The following MACROD1 variants were observed in gnomAD, a reference collection of about 807,000 sequenced individuals.
MACROD1 encodes the protein mono-ADP ribosylhydrolase 1, also known as ADP-ribose glycohydrolase MACROD1.
In MACROD1, 31 loss-of-function variants were observed where a neutral mutation model predicts 41.4. The ratio of observed to expected loss-of-function variants is 0.75; its 90% CI spans 0.56 to 1.01. MACROD1 has a LOEUF of 1.01. MACROD1 is among the 50% of genes least tolerant of loss of function. The pLI is 0.00. For synonymous variants in MACROD1, 252 were observed against 203.4 expected (o/e 1.24, Z -2.03); for missense variants, 473 against 460.0 (o/e 1.03, Z -0.26).
At chr11:64,031,096 G>A (rs1056184173) in intron 3 of MACROD1, among the ~76,000 whole-genome samples, 59 of 152,152 alleles carry the variant, frequency 3.9e-4, no homozygotes, top group Non-Finnish European at 1.0e-4. Flanking sequence ...GGCAGGCACT[G>A]GAGCAGGGCT....
At chr11:64,131,331 C>T (rs1945261983) in intron 3 of MACROD1, among the ~76,000 whole-genome samples, 1 of 151,706 alleles carries the variant, frequency 6.6e-6, no homozygotes, top group Non-Finnish European at 1.5e-5. Context: ...CCTCAAAGAC[C>T]CTCGGGACGT....
intron 3 of MACROD1, among the ~76,000 whole-genome samples, chr11:64,105,822 T>A (rs1185273282): frequency 6.6e-6 from 1 of 152,112 alleles, no homozygotes; most frequent in African/African-American, 2.4e-5. Context: ...TGCCCACAGC[T>A]GCGGGAGGGC....
At chr11:64,108,954 G>GA (rs908397181) in intron 3 of MACROD1, among the ~76,000 whole-genome samples, 12 of 152,188 alleles carry the variant, frequency 7.9e-5, no homozygotes, top group African/African-American at 2.9e-4. Context: ...AGGTGGGCAG[G>GA]AAGGAGGCTG....
At chr11:64,003,090 G>A (rs1295783739) in intron 4 of MACROD1, among the ~76,000 whole-genome samples, 3 of 152,198 alleles carry the variant, frequency 2.0e-5, no homozygotes, top group Non-Finnish European at 2.9e-5. Context: ...CCCCTGAGAT[G>A]TTTCTCCATC....
At chr11:64,118,167 G>T (rs541305050) in intron 3 of MACROD1, 5 of 1,613,698 alleles carry the variant, frequency 3.1e-6, no homozygotes, top group Non-Finnish European at 4.2e-6. Context: ...AGAAGAGTAC[G>T]TGGTCCACAC....
intron 3 of MACROD1, among the ~76,000 whole-genome samples, chr11:64,130,969 A>G (rs1414421780): frequency 6.6e-6 from 1 of 152,246 alleles, no homozygotes; most frequent in Non-Finnish European, 1.5e-5. Context: ...CCCGGCGAGG[A>G]AGCACTGCAT....
At chr11:64,114,709 A>G (rs139770484) in intron 3 of MACROD1, among the ~76,000 whole-genome samples, 2 of 145,888 alleles carry the variant, frequency 1.4e-5, no homozygotes, top group East Asian at 2.1e-4. Flanking sequence ...ACTGATACAT[A>G]GATGGATGGA....
intron 3 of MACROD1, among the ~76,000 whole-genome samples, chr11:64,086,380 C>G (rs913870979): frequency 5.9e-5 from 9 of 152,104 alleles, no homozygotes; most frequent in African/African-American, 2.2e-4. Flanking sequence ...GCCCTTGTGA[C>G]TACCCCCGAG....
At position 64,090,836 on chromosome 11, in the gene MACROD1, T is replaced by C. The variant is rs1428003159; in HGVS notation, c.517+60403A>G. Among the ~76,000 whole-genome samples, 1 of 151,628 alleles carries C rather than the reference T, an allele frequency of 6.6e-6. No individual in the cohort carries two copies. Among genetic ancestry groups the C allele is most frequent in the African/African-American group, 2.4e-5 (1 of 41,200 alleles). ...CTGCAGAAGCAGAGCCCGAGTCGGG[T>C]CCAGCCCTGCACTCCCAGGGAGCCC... is the stretch of plus-strand genomic sequence containing the variant. On this transcript the variant is annotated intron_variant, in intron 3 of 10. Coordinates refer to ENST00000255681, the MANE Select transcript of MACROD1 (RefSeq NM_014067.4). The surrounding 1 kb of genome is among the most constrained non-coding windows in gnomAD (Gnocchi z 4.7).
Position 64,120,362 on chromosome 11 carries a change from T to C in MACROD1, c.517+30877A>G, listed in dbSNP as rs1455074393. On this transcript the variant is annotated intron_variant, in intron 3 of 10. Transcript: ENST00000255681. This position sits in a 1 kb window ranked among gnomAD's most constrained non-coding sequence, Gnocchi z 4.5. ...CACACAATAAGGTCAAGAGAGAAATTTCCCCAGGCCTTAATGTCAGGTCTG... is the reference window on the plus strand; with the variant it reads ...CACACAATAAGGTCAAGAGAGAAATCTCCCCAGGCCTTAATGTCAGGTCTG... 6.6e-6 allele frequency among the ~76,000 whole-genome samples: 1 copy of C among 152,138 alleles called. No homozygotes were observed. Among genetic ancestry groups the C allele is most frequent in the Admixed American group, 6.5e-5 (1 of 15,276 alleles).
intron 3 of MACROD1, among the ~76,000 whole-genome samples, chr11:64,095,213 C>A (rs1944555970): frequency 6.6e-6 from 1 of 152,194 alleles, no homozygotes; most frequent in Non-Finnish European, 1.5e-5. Flanking sequence ...AATAGTCTCT[C>A]TTTTTCCCCC....
At chr11:64,133,451 G>A (rs1945292790) in intron 3 of MACROD1, among the ~76,000 whole-genome samples, 1 of 152,244 alleles carries the variant, frequency 6.6e-6, no homozygotes, top group African/African-American at 2.4e-5. Flanking sequence ...TGAGAGGGCA[G>A]GAGGCCGAGC....
At chr11:64,083,938 G>A (rs1312456753) in intron 3 of MACROD1, among the ~76,000 whole-genome samples, 1 of 152,230 alleles carries the variant, frequency 6.6e-6, no homozygotes, top group Non-Finnish European at 1.5e-5. Context: ...CACATATGCG[G>A]CAGCCCGGCG....
In MACROD1 at chr11:64,064,676, CGA is replaced by C. The variant is rs149741256; in HGVS notation, c.518-49397_518-49396del. 0.16 allele frequency among the ~76,000 whole-genome samples: 23,089 copies of C among 148,614 alleles called. 3,032 individuals carry two copies. The highest frequency in any genetic ancestry group is 0.4 in the East Asian group (2,032 of 5,024). On this transcript the variant is annotated intron_variant, in intron 3 of 10. Coordinates refer to ENST00000255681, the MANE Select transcript of MACROD1 (RefSeq NM_014067.4). The surrounding 1 kb of genome is among the most constrained non-coding windows in gnomAD (Gnocchi z 4.5). ...CCTCTGGCAGGACATTAAACGGCAC[CGA>C]GATAGAAGGAGGGGGGCCCTCCCTG...
chr11:64,126,073 G>C (rs555599053), intron 3 of MACROD1, among the ~76,000 whole-genome samples: 1 of 152,088 alleles, frequency 6.6e-6, no homozygotes, highest in Admixed American at 6.6e-5. Context: ...ACCTGTCCTC[G>C]GGCTAGTCCC....
intron 3 of MACROD1, among the ~76,000 whole-genome samples, chr11:64,127,805 C>T (rs1038535931): frequency 1.7e-4 from 26 of 152,108 alleles, no homozygotes; most frequent in African/African-American, 6.0e-4. Flanking sequence ...TGAGCTTATG[C>T]CACCACCCCA....
At chr11:64,058,243 C>T (rs1168234640) in intron 3 of MACROD1, among the ~76,000 whole-genome samples, 1 of 152,270 alleles carries the variant, frequency 6.6e-6, no homozygotes, top group Non-Finnish European at 1.5e-5. Flanking sequence ...GGGTAACCTG[C>T]TCCTGCCCCG....
chr11:64,040,351 G>A (rs1271099451), intron 3 of MACROD1, among the ~76,000 whole-genome samples: 1 of 152,184 alleles, frequency 6.6e-6, no homozygotes, highest in Admixed American at 6.5e-5. Flanking sequence ...AGAAACAAGG[G>A]CCTGGAGGAC....
rs11231689 is a variant in MACROD1, at chr11:64,072,547, T to A, written c.518-57266A>T. Reference sequence around the variant, plus strand: ...GAACCCGCCACAGAAACTAATAACATAGCAGCTGCGCTGCATCCTGACGTG... The same window carrying A: ...GAACCCGCCACAGAAACTAATAACAAAGCAGCTGCGCTGCATCCTGACGTG... On this transcript the variant is annotated intron_variant, in intron 3 of 10. Transcript: ENST00000255681. 1.5e-3 allele frequency among the ~76,000 whole-genome samples: 228 copies of A among 152,302 alleles called. 6 individuals carry two copies. The East Asian group carries it at 0.038, about 26-fold the overall frequency.
Sources: allele counts gnomAD v4.1 joint callset (sites outside exome capture counted in the v4.1 genomes callset), GRCh38; gene constraint gnomAD v4.1.1; non-coding constraint Gnocchi (gnomAD v3.1); transcripts MANE v1.5; gene names NCBI Gene and HGNC (gene_info 2026-07-23, HGNC 2026-07-21).